Variants in NMNAT2 observed in about 807,000 individuals in gnomAD.
NMNAT2 encodes the protein nicotinamide nucleotide adenylyltransferase 2, also known as nicotinamide/nicotinic acid mononucleotide adenylyltransferase 2.
NMNAT2 carries 11 observed loss-of-function variants against 41.6 expected under a neutral mutation model. That is an observed-to-expected ratio of 0.26 (90% CI 0.17 to 0.44). The LOEUF (loss-of-function observed/expected upper bound fraction) is 0.44, where lower values mean the gene tolerates loss of function less well. Among genes scored for constraint, NMNAT2 ranks in the 20% least tolerant of loss-of-function variants. The probability of loss-of-function intolerance (pLI) is 1.00; values close to 1 mark genes in which losing one functional copy is unlikely to be tolerated. For synonymous variants in NMNAT2, 148 were observed against 151.2 expected (o/e 0.98, Z 0.16); for missense variants, 288 against 407.7 (o/e 0.71, Z 2.53).
chr1:183,323,155 C>T (rs760367968), intron 1 of NMNAT2, among the ~76,000 whole-genome samples: 15 of 152,158 alleles, frequency 9.9e-5, no homozygotes, highest in Admixed American at 3.3e-4. Context: ...TGGTCTCGAA[C>T]TCCTGACCTC....
intron 8 of NMNAT2, among the ~76,000 whole-genome samples, chr1:183,268,401 C>T (rs1026744047): frequency 6.6e-6 from 1 of 152,190 alleles, no homozygotes; most frequent in African/African-American, 2.4e-5. Flanking sequence ...ACAGATCACT[C>T]TCTAGTGTGA....
In NMNAT2 at chr1:183,252,377, C is replaced by T. The variant is rs1236089192; in HGVS notation, c.*264G>A. 2.1e-6 allele frequency: 1 copy of T among 479,730 alleles called. No individual in the cohort carries two copies. Among genetic ancestry groups the T allele is most frequent in the African/African-American group, 2.0e-5 (1 of 50,892 alleles). 29.7% of individuals were successfully genotyped at this position (479,730 alleles called of 1,614,324 possible). A position where few individuals can be genotyped will look rare whatever the true frequency, so the allele number is the denominator to read the frequency against. On this transcript the variant is annotated 3_prime_UTR_variant, in exon 11 of 11. Transcript: ENST00000287713. Reference sequence around the variant, plus strand: ...GCATGCTGGGAGACGGACACCAGTACATCTCCAAGGACTGCACTTCCCCCG... The same window carrying T: ...GCATGCTGGGAGACGGACACCAGTATATCTCCAAGGACTGCACTTCCCCCG...
chr1:183,342,022 C>CT (rs11355849), intron 1 of NMNAT2, among the ~76,000 whole-genome samples: 23,428 of 132,482 alleles, frequency 0.18, 2,749 homozygotes, highest in African/African-American at 0.34. Context: ...CCTTCCTCAC[C>CT]TTTTTTTTTT....
chr1:183,302,265 T>C (rs1397074838), intron 1 of NMNAT2, among the ~76,000 whole-genome samples: 1 of 152,198 alleles, frequency 6.6e-6, no homozygotes, highest in African/African-American at 2.4e-5. Context: ...GCCCAGGTTT[T>C]TGATGCGGGC....
intron 1 of NMNAT2, among the ~76,000 whole-genome samples, chr1:183,357,431 G>A (rs1214023223): frequency 5.9e-5 from 9 of 151,626 alleles, no homozygotes; most frequent in South Asian, 4.2e-4. Context: ...GGGTTTCACC[G>A]TGTTAGCCAG....
At chr1:183,260,924 A>T in intron 10 of NMNAT2, 78 bp downstream of exon 10, 1 of 1,136,846 alleles carries the variant, frequency 8.8e-7, no homozygotes, top group Non-Finnish European at 1.3e-6. Flanking sequence ...TCTTAGGGTC[A>T]TCTTTGATGG....
At chr1:183,288,177 C>T (rs1382874405) in intron 4 of NMNAT2, among the ~76,000 whole-genome samples, 7 of 152,322 alleles carry the variant, frequency 4.6e-5, no homozygotes, top group East Asian at 1.9e-4. Context: ...TCGCATTTGA[C>T]TTGTTCTATC....
rs983600674 is a variant in NMNAT2 at position 183,251,327 on chromosome 1, C to T, written c.*1314G>A. On this transcript the variant is annotated 3_prime_UTR_variant, in exon 11 of 11. Transcript: ENST00000287713. The stretch of plus-strand genomic sequence containing the variant: ...AGAAGAAACTGACCTCATGCACTGT[C>T]TGAGTTACCTCAGCTAGAGAGGGTG... 2.0e-5 allele frequency: 3 copies of T among 152,226 alleles called. No homozygotes were observed. Among genetic ancestry groups the T allele is most frequent in the African/African-American group, 4.8e-5 (2 of 41,434 alleles). 9.4% of individuals were successfully genotyped at this position (152,226 alleles called of 1,614,324 possible).
intron 1 of NMNAT2, among the ~76,000 whole-genome samples, chr1:183,341,831 A>T (rs1454816451): frequency 5.3e-5 from 8 of 151,244 alleles, no homozygotes; most frequent in Non-Finnish European, 1.5e-5. Flanking sequence ...AGAGGAAAAA[A>T]GTCCTTTCAG....
chr1:183,263,327 A>C (rs541421465), intron 8 of NMNAT2, among the ~76,000 whole-genome samples: 1 of 152,320 alleles, frequency 6.6e-6, no homozygotes, highest in East Asian at 1.9e-4. Flanking sequence ...ACTGACACCA[A>C]ATCTCTTGTC....
chr1:183,303,405 G>A (rs988725274), intron 1 of NMNAT2, among the ~76,000 whole-genome samples: 1 of 152,198 alleles, frequency 6.6e-6, no homozygotes, highest in Non-Finnish European at 1.5e-5. Flanking sequence ...CACAGCAACT[G>A]TGTAAGTTGT....
chr1:183,292,754 G>A (rs199937849), intron 3 of NMNAT2, 36 bp downstream of exon 3: 64 of 1,595,004 alleles, frequency 4.0e-5, no homozygotes, highest in South Asian at 3.3e-4. Context: ...GTAAGTCTCC[G>A]GGCCACTGCC....
chr1:183,396,927 C>T (rs1244402519), intron 1 of NMNAT2, among the ~76,000 whole-genome samples: 2 of 152,132 alleles, frequency 1.3e-5, no homozygotes, highest in Non-Finnish European at 2.9e-5. Flanking sequence ...TAGTTTGGTG[C>T]CATGTGACTC....
chr1:183,293,014 A>T (rs1406831230), intron 2 of NMNAT2, among the ~76,000 whole-genome samples, 157 bp from the exon 3 acceptor site: 1 of 152,240 alleles, frequency 6.6e-6, no homozygotes, highest in Non-Finnish European at 1.5e-5. Context: ...TTTGCCACAC[A>T]GGCAGGCCTG....
intron 1 of NMNAT2, among the ~76,000 whole-genome samples, chr1:183,373,575 T>C (rs61407289): frequency 0.012 from 1,898 of 152,174 alleles, 30 homozygotes; most frequent in African/African-American, 0.044. Context: ...TCTGCACTTA[T>C]TCTAAAGCTT....
Position 183,363,565 on chromosome 1 carries a change from G to GAC in NMNAT2, c.85+54616_85+54617dup, listed in dbSNP as rs1318960708. On this transcript the variant is annotated intron_variant, in intron 1 of 10. Transcript: ENST00000287713. ...AGTTTATTATGAGGAGTCCCCTAGAGACACACACACACATACACACACACA... is the reference window on the plus strand; with the variant it reads ...AGTTTATTATGAGGAGTCCCCTAGAGACACACACACACACATACACACACACA... Among the ~76,000 whole-genome samples the GAC allele has an allele frequency of 6.6e-5, 8 of 121,732 alleles. No individual in the cohort carries two copies. In the East Asian group the frequency reaches 1.1e-3, roughly 17 times the overall value. 79.9% of individuals were successfully genotyped at this position (121,732 alleles called of 152,430 possible).
intron 1 of NMNAT2, among the ~76,000 whole-genome samples, chr1:183,375,142 C>T (rs1663647486): frequency 6.6e-6 from 1 of 152,178 alleles, no homozygotes; most frequent in Non-Finnish European, 1.5e-5. Context: ...TTTGTCTCTC[C>T]TTTGTCCTCC....
chr1:183,257,306 T>C (rs1046218684), intron 10 of NMNAT2, among the ~76,000 whole-genome samples: 7 of 151,874 alleles, frequency 4.6e-5, no homozygotes, highest in African/African-American at 1.7e-4. Flanking sequence ...CTGGGTGTGG[T>C]GGCAGGCACC....
At chr1:183,345,771 C>T (rs1662914821) in intron 1 of NMNAT2, among the ~76,000 whole-genome samples, 1 of 151,858 alleles carries the variant, frequency 6.6e-6, no homozygotes, top group African/African-American at 2.4e-5. Flanking sequence ...ACTGCAAGCT[C>T]CGCCTCCCGG....
Sources: gnomAD v4.1 joint callset for allele counts (sites outside exome capture counted in the v4.1 genomes callset) on GRCh38, gnomAD v4.1.1 for gene constraint, MANE v1.5 for transcripts, NCBI Gene and HGNC (gene_info 2026-07-23, HGNC 2026-07-21) for gene names.